Variants in ADAMTS16 observed in about 807,000 individuals in gnomAD.
The protein encoded by ADAMTS16 is A disintegrin and metalloproteinase with thrombospondin motifs 16.
A neutral mutation model predicts 145.8 loss-of-function variants in ADAMTS16; 94 were observed. The ratio of observed to expected loss-of-function variants is 0.64; its 90% CI spans 0.55 to 0.77. The LOEUF (loss-of-function observed/expected upper bound fraction) is 0.77, where lower values mean the gene tolerates loss of function less well. ADAMTS16 is among the 30% of genes least tolerant of loss of function. The probability of loss-of-function intolerance (pLI) is 0.00; values close to 1 mark genes in which losing one functional copy is unlikely to be tolerated. For synonymous variants in ADAMTS16, 659 were observed against 604.3 expected (o/e 1.09, Z -1.33); for missense variants, 1,585 against 1,591.5 (o/e 1.00, Z 0.07).
chr5:5,211,478 A>G (rs1404734068), intron 10 of ADAMTS16, among the ~76,000 whole-genome samples: 1 of 152,218 alleles, frequency 6.6e-6, no homozygotes, highest in Middle Eastern at 3.4e-3. Flanking sequence ...AGTTTATCAT[A>G]TTAATCCTTT....
chr5:5,274,895 T>C (rs112102355), intron 18 of ADAMTS16, among the ~76,000 whole-genome samples: 39 of 152,330 alleles, frequency 2.6e-4, no homozygotes, highest in African/African-American at 8.9e-4. Flanking sequence ...CTCAGTGTGG[T>C]TGGCTCTAAA....
chr5:5,236,358 T>C (rs1737107621), intron 13 of ADAMTS16, among the ~76,000 whole-genome samples: 1 of 152,090 alleles, frequency 6.6e-6, no homozygotes, highest in Non-Finnish European at 1.5e-5. Context: ...AAAAAGTTCA[T>C]ATTAAATATA....
At position 5,263,385 on chromosome 5, in the gene ADAMTS16, C is replaced by T. The variant is rs923216392; in HGVS notation, c.2789+602C>T. Among the ~76,000 whole-genome samples, 12 of 152,240 alleles carry T rather than the reference C, an allele frequency of 7.9e-5. No homozygotes were observed. The South Asian group carries it at 2.1e-3, about 26-fold the overall frequency. ...GCTGCACTGTCAGGAGCCATCACGTCTGGGCAAGGCCTTCATCCCTCTGGT... is the reference window on the plus strand; with the variant it reads ...GCTGCACTGTCAGGAGCCATCACGTTTGGGCAAGGCCTTCATCCCTCTGGT... On this transcript the variant is annotated intron_variant, in intron 18 of 22. Coordinates refer to ENST00000274181, the MANE Select transcript of ADAMTS16 (RefSeq NM_139056.4).
chr5:5,210,281 T>C (rs1736239369), intron 10 of ADAMTS16, among the ~76,000 whole-genome samples: 1 of 152,236 alleles, frequency 6.6e-6, no homozygotes, highest in South Asian at 2.1e-4. Flanking sequence ...TTCTAGATTG[T>C]GCTTCTGGTT....
chr5:5,232,561 T>G (rs754406075), intron 12 of ADAMTS16, 45 bp downstream of exon 12: 1 of 1,594,098 alleles, frequency 6.3e-7, no homozygotes, highest in Admixed American at 1.7e-5. Flanking sequence ...CTGATTTCCA[T>G]GCCATGAACC....
chr5:5,156,401 T>C (rs1436264570), intron 3 of ADAMTS16, among the ~76,000 whole-genome samples: 3 of 152,182 alleles, frequency 2.0e-5, no homozygotes, highest in African/African-American at 7.2e-5. Context: ...AAGACTTCTG[T>C]TGCCTTACAA....
At position 5,232,635 on chromosome 5, in the gene ADAMTS16, G is replaced by A. The variant is rs534999046; in HGVS notation, c.1850+119G>A. On this transcript the variant is annotated intron_variant, in intron 12 of 22. Coordinates refer to ENST00000274181, the MANE Select transcript of ADAMTS16 (RefSeq NM_139056.4). Reference sequence around the variant, plus strand: ...TTTTTTTTTTTTGAGATGGAGTCTCGCTCTGTCACCCAGGCTGGAGTGCAG... The same window carrying A: ...TTTTTTTTTTTTGAGATGGAGTCTCACTCTGTCACCCAGGCTGGAGTGCAG... 1.2e-4 allele frequency: 157 copies of A among 1,259,234 alleles called. 1 individual carries two copies. In the East Asian group the frequency reaches 2.1e-3, roughly 17 times the overall value. The allele number at this position is 1,259,234 out of a possible 1,614,324, so 78.0% of individuals were successfully genotyped here. A position where few individuals can be genotyped will look rare whatever the true frequency, so the allele number is the denominator to read the frequency against.
In ADAMTS16 at chr5:5,239,209, G is replaced by A. The variant is rs762875123; in HGVS notation, c.2213G>A (p.Cys738Tyr). 3.7e-6 allele frequency: 6 copies of A among 1,603,798 alleles called. No homozygotes were observed. The highest frequency in any genetic ancestry group is 1.3e-5 in the African/African-American group (1 of 74,522). ...SDAVEDVCGV[C>Y]NGNNSACTIH... is the part of the protein sequence containing the mutation. ...GCTGTTGAAGACGTCTGTGGGGTGTGTAACGGGAATAACTCAGCCTGCACG... is the reference window on the plus strand; with the variant it reads ...GCTGTTGAAGACGTCTGTGGGGTGTATAACGGGAATAACTCAGCCTGCACG... Residue 738 changes from cysteine (C) to tyrosine (Y), a missense_variant, in exon 15 of 23, where the codon TGT (cysteine) becomes TAT (tyrosine). Cys to Tyr is a radical substitution (Grantham distance 194, BLOSUM62 -2). Transcript: ENST00000274181.
At position 5,189,971 on chromosome 5, in the gene ADAMTS16, C is replaced by T. The variant is rs1438448749; in HGVS notation, c.1048C>T (p.Pro350Ser). ...TCCTCGGTCCTTGTCTCTTGCACAG[C>T]CAGGACTGGTGATAAGTCACCACGC... The part of the protein sequence containing the change: ...VGLILLEDEQ[P>S]GLVISHHADH... Residue 350 changes from proline (P) to serine (S), a missense_variant and splice_region_variant, in exon 7 of 23, where the codon CCA (proline) becomes TCA (serine). Coordinates refer to ENST00000274181, the MANE Select transcript of ADAMTS16 (RefSeq NM_139056.4). 6 of 1,610,086 alleles carry T rather than the reference C, an allele frequency of 3.7e-6. No individual in the cohort carries two copies. The highest frequency in any genetic ancestry group is 2.7e-5 in the African/African-American group (2 of 74,716).
In ADAMTS16 at chr5:5,317,763, G is replaced by A. The variant is rs1021262530; in HGVS notation, c.3412-371G>A. 1.1e-4 allele frequency among the ~76,000 whole-genome samples: 17 copies of A among 152,204 alleles called. No homozygotes were observed. Among genetic ancestry groups the A allele is most frequent in the African/African-American group, 3.6e-4 (15 of 41,442 alleles). On this transcript the variant is annotated intron_variant, in intron 21 of 22. Coordinates refer to ENST00000274181, the MANE Select transcript of ADAMTS16 (RefSeq NM_139056.4). This position sits in a 1 kb window ranked among gnomAD's most constrained non-coding sequence, Gnocchi z 4.5. The stretch of plus-strand genomic sequence containing the variant: ...AGCCCAAGCCCGGGAACCGTCTGTT[G>A]AGACTATAGAATCCAACTCTAGCGG...
intron 3 of ADAMTS16, among the ~76,000 whole-genome samples, chr5:5,177,207 A>T (rs1159678454): frequency 6.6e-6 from 1 of 152,186 alleles, no homozygotes; most frequent in Non-Finnish European, 1.5e-5. Context: ...GTAACTCATC[A>T]CTCGCAAGAT....
intron 17 of ADAMTS16, among the ~76,000 whole-genome samples, chr5:5,259,076 T>C (rs1190338437): frequency 2.0e-5 from 3 of 152,052 alleles, no homozygotes; most frequent in Non-Finnish European, 4.4e-5. Flanking sequence ...GGGTGTGACG[T>C]GGTGGCTCAC....
At position 5,319,326 on chromosome 5, in the gene ADAMTS16, C is replaced by A; in HGVS notation, c.*188C>A. 3.5e-6 allele frequency: 2 copies of A among 573,990 alleles called. No homozygotes were observed. Among genetic ancestry groups the A allele is most frequent in the East Asian group, 5.9e-5 (2 of 33,766 alleles). The allele number at this position is 573,990 out of a possible 1,614,324, so 35.6% of individuals were successfully genotyped here. A position where few individuals can be genotyped will look rare whatever the true frequency, so the allele number is the denominator to read the frequency against. ...GTGAGCCTGGGTGCAGACCTGTGTCCCCATGCACACAGTGTCTCCTGTCAG... is the reference window on the plus strand; with the variant it reads ...GTGAGCCTGGGTGCAGACCTGTGTCACCATGCACACAGTGTCTCCTGTCAG... On this transcript the variant is annotated 3_prime_UTR_variant, in exon 23 of 23. Transcript: ENST00000274181.
intron 3 of ADAMTS16, among the ~76,000 whole-genome samples, chr5:5,168,693 T>TA (rs5865595): frequency 0.91 from 119,600 of 130,930 alleles, 54,705 homozygotes; most frequent in Middle Eastern, 0.96. Flanking sequence ...TATAATTATA[T>TA]AAATATAATA....
At chr5:5,298,485 AT>A (rs1333272128) in intron 18 of ADAMTS16, among the ~76,000 whole-genome samples, 1 of 67,442 alleles carries the variant, frequency 1.5e-5, no homozygotes, top group Non-Finnish European at 3.8e-5. Context: ...ACCGAGGAGG[AT>A]GGCAAGTAAT....
chr5:5,267,720 T>C (rs1738295590), intron 18 of ADAMTS16, among the ~76,000 whole-genome samples: 1 of 152,194 alleles, frequency 6.6e-6, no homozygotes. Context: ...GATGGGGGCA[T>C]AGTGGGCCAG....
chr5:5,171,604 A>G (rs189142367), intron 3 of ADAMTS16, among the ~76,000 whole-genome samples: 1 of 152,324 alleles, frequency 6.6e-6, no homozygotes, highest in East Asian at 1.9e-4. Flanking sequence ...AAGCATCTTT[A>G]CATCCCAGGG....
chr5:5,297,334 G>T (rs917928229), intron 18 of ADAMTS16, among the ~76,000 whole-genome samples: 1 of 152,214 alleles, frequency 6.6e-6, no homozygotes, highest in African/African-American at 2.4e-5. Flanking sequence ...AGTAGAGTGC[G>T]TTGCTCTTTC....
At chr5:5,235,832 T>C (rs1737091362) in intron 13 of ADAMTS16, among the ~76,000 whole-genome samples, 1 of 151,130 alleles carries the variant, frequency 6.6e-6, no homozygotes, top group Non-Finnish European at 1.5e-5. Context: ...CCCGAAAAAA[T>C]GACAGAAGCC....
Sources: allele counts gnomAD v4.1 joint callset (sites outside exome capture counted in the v4.1 genomes callset), GRCh38; gene constraint gnomAD v4.1.1; non-coding constraint Gnocchi (gnomAD v3.1); transcripts MANE v1.5; gene names NCBI Gene and HGNC (gene_info 2026-07-23, HGNC 2026-07-21).